DYNC1I1: variants seen among roughly 807,000 people sequenced by gnomAD.
The protein encoded by DYNC1I1 is dynein cytoplasmic 1 intermediate chain 1.
A neutral mutation model predicts 86.6 loss-of-function variants in DYNC1I1; 43 were observed. The ratio of observed to expected loss-of-function variants is 0.50; its 90% CI spans 0.39 to 0.64. The LOEUF is 0.64. Among genes scored for constraint, DYNC1I1 ranks in the 30% least tolerant of loss-of-function variants. The pLI, the probability that DYNC1I1 is intolerant of heterozygous loss-of-function variation, is 0.00. For synonymous variants in DYNC1I1, 262 were observed against 283.7 expected, an observed-to-expected ratio of 0.92 and a Z score of 0.77; for missense variants, 604 against 788.8, an observed-to-expected ratio of 0.77 and a Z score of 2.81.
At chr7:95,855,142 G>T (rs1050865796) in intron 5 of DYNC1I1, among the ~76,000 whole-genome samples, 1 of 152,138 alleles carries the variant, frequency 6.6e-6, no homozygotes, top group Non-Finnish European at 1.5e-5. Flanking sequence ...TGATGGTGAT[G>T]AACTCCTTCA....
At chr7:95,844,014 G>A (rs1789360744) in intron 5 of DYNC1I1, among the ~76,000 whole-genome samples, 1 of 152,150 alleles carries the variant, frequency 6.6e-6, no homozygotes, top group Non-Finnish European at 1.5e-5. Context: ...GTTTTTTGGT[G>A]TGTCTTATGA....
chr7:95,936,919 C>T (rs894886837), intron 6 of DYNC1I1, among the ~76,000 whole-genome samples: 1 of 142,738 alleles, frequency 7.0e-6, no homozygotes, highest in Non-Finnish European at 1.5e-5. Context: ...ATGCAAACAA[C>T]CTGTTTGTCC....
chr7:95,940,292 C>T (rs172762), intron 6 of DYNC1I1, among the ~76,000 whole-genome samples: 98,766 of 149,078 alleles, frequency 0.66, 33,844 homozygotes, highest in East Asian at 0.89. Context: ...TTGCTCTTCT[C>T]GAGGAGTATC....
intron 6 of DYNC1I1, among the ~76,000 whole-genome samples, chr7:95,876,403 A>G (rs779123845): frequency 5.3e-5 from 8 of 152,206 alleles, no homozygotes; most frequent in Non-Finnish European, 2.9e-5. Flanking sequence ...AAACTGGAAT[A>G]TCCTTTCTCC....
chr7:95,924,830 G>A (rs1791700804), intron 6 of DYNC1I1, among the ~76,000 whole-genome samples: 1 of 152,186 alleles, frequency 6.6e-6, no homozygotes, highest in Admixed American at 6.5e-5. Flanking sequence ...TGCATGGGCA[G>A]GAATGGAGGT....
rs906176957 is a variant in DYNC1I1 at position 95,869,872 on chromosome 7, G to A, written c.375-11G>A. The A allele has an allele frequency of 6.2e-7, 1 of 1,610,672 alleles. No individual in the cohort carries two copies. The highest frequency in any genetic ancestry group is 1.7e-5 in the Admixed American group (1 of 59,444). ...TCCCCTCTCTAAGCATTTATTCTTT[G>A]TTACTTACAGAAGAAGACTGCATAA... On this transcript the variant is annotated splice_polypyrimidine_tract_variant and intron_variant, in intron 5 of 16. Transcript: ENST00000447467.
At chr7:96,012,007 A>G (rs1262731372) in intron 10 of DYNC1I1, among the ~76,000 whole-genome samples, 1 of 152,194 alleles carries the variant, frequency 6.6e-6, no homozygotes, top group Non-Finnish European at 1.5e-5. Context: ...AAAAATGAAA[A>G]TATGTTCCTA....
At chr7:95,860,232 C>G (rs887289217) in intron 5 of DYNC1I1, among the ~76,000 whole-genome samples, 3 of 152,164 alleles carry the variant, frequency 2.0e-5, no homozygotes, top group African/African-American at 7.2e-5. Context: ...TCATAATGAT[C>G]TGGCATAGTG....
intron 6 of DYNC1I1, among the ~76,000 whole-genome samples, chr7:95,904,614 CAT>C (rs1791125852): frequency 8.9e-6 from 1 of 112,672 alleles, no homozygotes; most frequent in Admixed American, 9.4e-5. Context: ...TGTATGTATA[CAT>C]ATGTGTGTAT....
chr7:95,855,076 G>A (rs953960787), intron 5 of DYNC1I1, among the ~76,000 whole-genome samples: 1 of 152,076 alleles, frequency 6.6e-6, no homozygotes, highest in African/African-American at 2.4e-5. Flanking sequence ...ATTTTCATTA[G>A]CATCCTTTTC....
At chr7:95,974,076 G>A (rs1011112024) in intron 6 of DYNC1I1, among the ~76,000 whole-genome samples, 1 of 152,146 alleles carries the variant, frequency 6.6e-6, no homozygotes, top group African/African-American at 2.4e-5. Context: ...TTGCTCACAT[G>A]TCACCTCATT....
chr7:96,110,288 C>T (rs1791293257), downstream of DYNC1I1: 1 of 190,104 alleles, frequency 5.3e-6, no homozygotes, highest in Admixed American at 6.1e-5. Context: ...GCTGTTTATT[C>T]CTAGTAATAA....
intron 15 of DYNC1I1, among the ~76,000 whole-genome samples, chr7:96,079,860 T>C (rs752279168): frequency 6.6e-6 from 1 of 152,236 alleles, no homozygotes; most frequent in Non-Finnish European, 1.5e-5. Flanking sequence ...ATCTCCTCCC[T>C]GATGAGGTTT....
intron 6 of DYNC1I1, among the ~76,000 whole-genome samples, chr7:95,896,611 G>A (rs542929379): frequency 5.3e-5 from 8 of 152,136 alleles, no homozygotes; most frequent in Admixed American, 6.5e-5. Context: ...AGCTCAGTCC[G>A]ACTCAGAATC....
At chr7:95,940,951 G>A (rs957289654) in intron 6 of DYNC1I1, among the ~76,000 whole-genome samples, 13 of 152,204 alleles carry the variant, frequency 8.5e-5, no homozygotes, top group Non-Finnish European at 1.8e-4. Flanking sequence ...GGTCTTTGAT[G>A]ATGGTGATGT....
In DYNC1I1 at chr7:95,804,790, A is replaced by G. The variant is rs753702370; in HGVS notation, c.61A>G (p.Ile21Val). ...LERKKQRLAQ[I>V]REEKKRKEEE... ...GCGCAAAAAGCAGCGCTTAGCACAG[A>G]TAAGAGAAGAGAAGAAACGGAAGGA... The change falls in exon 2 of 17, where the codon ATA becomes GTA. Residue 21 changes from isoleucine to valine, a missense_variant. Physicochemically the swap from Ile to Val is conservative, Grantham distance 29. Transcript: ENST00000447467. The G allele has an allele frequency of 2.5e-6, 4 of 1,587,346 alleles. No individual in the cohort carries two copies. The highest frequency in any genetic ancestry group is 1.1e-5 in the South Asian group (1 of 87,622).
intron 10 of DYNC1I1, among the ~76,000 whole-genome samples, chr7:96,024,910 A>G (rs1794640287): frequency 6.6e-6 from 1 of 152,170 alleles, no homozygotes; most frequent in Non-Finnish European, 1.5e-5. Context: ...TAGCTGTGTG[A>G]ACAGCAGGGG....
Position 95,995,929 on chromosome 7 carries a change from T to G in DYNC1I1, c.844-19T>G. On this transcript the variant is annotated intron_variant, in intron 9 of 16. Coordinates refer to ENST00000447467, the MANE Select transcript of DYNC1I1 (RefSeq NM_001135556.2). ...TTGTCATCTTAGCATAATTCATCCT[T>G]GTGACCTCTTCCATTTAGTACCCTG... The G allele has an allele frequency of 6.4e-7, 1 of 1,573,558 alleles. No homozygotes were observed. The highest frequency in any genetic ancestry group is 2.2e-5 in the East Asian group (1 of 44,732).
chr7:95,971,880 C>T (rs1269373973), intron 6 of DYNC1I1, among the ~76,000 whole-genome samples: 1 of 152,012 alleles, frequency 6.6e-6, no homozygotes, highest in Non-Finnish European at 1.5e-5. Context: ...TGGTCCTGTC[C>T]ACTCCCTGCC....
Sources: allele counts gnomAD v4.1 joint callset (sites outside exome capture counted in the v4.1 genomes callset), GRCh38; gene constraint gnomAD v4.1.1; transcripts MANE v1.5; gene names NCBI Gene and HGNC (gene_info 2026-07-23, HGNC 2026-07-21).